Variants in ROGDI observed in about 807,000 individuals in gnomAD.
ROGDI encodes the protein protein rogdi homolog.
In ROGDI, 46 loss-of-function variants were observed where a neutral mutation model predicts 43.1. The observed-to-expected ratio is 1.07, with a 90% confidence interval of 0.84 to 1.37. The LOEUF is 1.37. ROGDI is among the 40% of genes most tolerant of loss of function. The pLI is 0.00. For missense variants in ROGDI, 518 were observed against 383.9 expected (o/e 1.35, Z -2.92); for synonymous variants, 243 against 162.0 (o/e 1.50, Z -3.80).
Position 4,797,819 on chromosome 16 carries a change from C to T in ROGDI, c.717G>A (p.Leu239=). The T allele has an allele frequency of 6.2e-7, 1 of 1,612,374 alleles. No homozygotes were observed. The highest frequency in any genetic ancestry group is 8.5e-7 in the Non-Finnish European group (1 of 1,179,952). ...GAMFEWGSQR[L]EVSHVHKVEC... ...CCACTTTGTGCACGTGGCTCACCTC[C>T]AGGCGCTGAGAGCCCCACTCGCTGT... Residue 239 remains leucine, a synonymous_variant, in exon 10 of 11, where the codon CTG becomes CTA. Coordinates refer to ENST00000322048, the MANE Select transcript of ROGDI (RefSeq NM_024589.3).
Position 4,797,381 on chromosome 16 carries a change from G to A in ROGDI, c.*79C>T, listed in dbSNP as rs947409781. 8 of 1,328,234 alleles carry A rather than the reference G, an allele frequency of 6.0e-6. No individual in the cohort carries two copies. Among genetic ancestry groups the A allele is most frequent in the Non-Finnish European group, 8.5e-6 (8 of 945,950 alleles). The allele number at this position is 1,328,234 out of a possible 1,614,324, so 82.3% of individuals were successfully genotyped here. A position where few individuals can be genotyped will look rare whatever the true frequency, so the allele number is the denominator to read the frequency against. The stretch of plus-strand genomic sequence containing the variant: ...GGGAGATAAATAGCAGCCTGGCGTT[G>A]GCACTGGCTGGTGCTCTGTGGTGGG... On this transcript the variant is annotated 3_prime_UTR_variant, in exon 11 of 11. Transcript: ENST00000322048.
chr16:4,799,894 G>C, intron 5 of ROGDI, 113 bp from the exon 6 acceptor site: 1 of 755,782 alleles, frequency 1.3e-6, no homozygotes, highest in Non-Finnish European at 2.2e-6. Flanking sequence ...TGTCATCCCT[G>C]TGCCCCAGAG....
chr16:4,800,973 G>A (rs1299120320), intron 4 of ROGDI: 61 of 508,724 alleles, frequency 1.2e-4, no homozygotes, highest in Non-Finnish European at 1.3e-4. Context: ...TTCAGGCATT[G>A]GCTGATTCAA....
At chr16:4,800,962 G>A (rs951494815) in intron 4 of ROGDI, 58 of 505,842 alleles carry the variant, frequency 1.1e-4, no homozygotes, top group African/African-American at 1.0e-3. Context: ...GCAGACTGGA[G>A]TTCAGGCATT....
At chr16:4,801,883 A>T in intron 2 of ROGDI, 2 of 575,592 alleles carry the variant, frequency 3.5e-6, no homozygotes, top group Non-Finnish European at 6.3e-6. Flanking sequence ...CAAGGGGCAG[A>T]GTCAGGGAAC....
chr16:4,797,618 T>G, intron 10 of ROGDI, 96 bp downstream of exon 10: 1 of 1,362,450 alleles, frequency 7.3e-7, no homozygotes, highest in South Asian at 1.3e-5. Context: ...CGCAGTGCTG[T>G]GGGGTACACC....
chr16:4,798,725 C>T, intron 6 of ROGDI, 58 bp from the exon 7 acceptor site: 2 of 1,386,496 alleles, frequency 1.4e-6, no homozygotes. Context: ...CATTAAGGAA[C>T]AACAGACATG....
Position 4,802,363 on chromosome 16 carries a change from G to A in ROGDI, c.117+19C>T. 1.3e-6 allele frequency: 2 copies of A among 1,558,564 alleles called. No homozygotes were observed. Among genetic ancestry groups the A allele is most frequent in the Non-Finnish European group, 1.7e-6 (2 of 1,156,164 alleles). ...AGGGAGGGCCGCCACGCCCGGCGGG[G>A]CAGGGCGCGGGTCGTTACCTTGAGG... is the stretch of plus-strand genomic sequence containing the variant. On this transcript the variant is annotated intron_variant, in intron 2 of 10. Coordinates refer to ENST00000322048, the MANE Select transcript of ROGDI (RefSeq NM_024589.3).
rs1263993102 is a variant in ROGDI at position 4,801,267 on chromosome 16, C to T, written c.255G>A (p.Ala85=). 3.7e-6 allele frequency: 6 copies of T among 1,604,358 alleles called. No individual in the cohort carries two copies. Among genetic ancestry groups the T allele is most frequent in the Non-Finnish European group, 4.3e-6 (5 of 1,173,862 alleles). Residue 85 remains alanine (A), a splice_region_variant and synonymous_variant, in exon 4 of 11, where the codon GCG becomes GCA. Transcript: ENST00000322048. ...GAGGGGACAGGGCCGGGGGACTCAC[C>T]GCCTGGCTGAGGGCATCCCCCTGCA... ...LTLQGDALSQ[A]DVNLKMPRNN...
intron 5 of ROGDI, 129 bp from the exon 6 acceptor site, chr16:4,799,910 G>C: frequency 1.5e-6 from 1 of 672,692 alleles, no homozygotes; most frequent in Non-Finnish European, 2.6e-6. Context: ...CAGAGGGCCA[G>C]GTCCACGCCA....
intron 4 of ROGDI, 114 bp downstream of exon 4, chr16:4,801,153 C>T (rs997359498): frequency 1.2e-6 from 1 of 811,622 alleles, no homozygotes; most frequent in Non-Finnish European, 1.9e-6. Flanking sequence ...AAAACTGAGG[C>T]CAGAGAGATC....
In ROGDI at chr16:4,801,317, C is replaced by A. The variant is rs780764745; in HGVS notation, c.205G>T (p.Asp69Tyr). The change falls in exon 4 of 11, where the codon GAC becomes TAC. Residue 69 changes from aspartate to tyrosine, a missense_variant. Transcript: ENST00000322048. ...AGAGTCAGCACACCCTTCACCTGGT[C>A]TGTGCTGTAACATGTGGCGTCAGAG... ...ENFILGSCGT[D>Y]QVKGVLTLQG... The A allele has an allele frequency of 1.9e-6, 3 of 1,607,984 alleles. No homozygotes were observed. In the East Asian group the frequency reaches 6.7e-5, roughly 36 times the overall value.
chr16:4,800,610 T>G (rs753613367), intron 4 of ROGDI, 32 bp from the exon 5 acceptor site: 1 of 1,514,114 alleles, frequency 6.6e-7, no homozygotes, highest in South Asian at 1.2e-5. Context: ...AGCTGGGCAG[T>G]GGGGGGGCAC....
Position 4,798,010 on chromosome 16 carries a change from C to T in ROGDI, c.646-23G>A, listed in dbSNP as rs369449412. On this transcript the variant is annotated intron_variant, in intron 8 of 10. Coordinates refer to ENST00000322048, the MANE Select transcript of ROGDI (RefSeq NM_024589.3). ...GTTCTAGGGAGAACAGCACCAGACC[C>T]GTCAGGCCTTGCAGGGCGTGTGCAT... 43 of 1,613,256 alleles carry T rather than the reference C, an allele frequency of 2.7e-5. No individual in the cohort carries two copies. The African/African-American group carries it at 4.3e-4, about 16-fold the overall frequency.
In ROGDI at chr16:4,801,279, G is replaced by C; in HGVS notation, c.243C>G (p.Ala81=). Residue 81 remains alanine, a synonymous_variant, in exon 4 of 11, where the codon GCC becomes GCG. Coordinates refer to ENST00000322048, the MANE Select transcript of ROGDI (RefSeq NM_024589.3). ...CCGGGGGACTCACCGCCTGGCTGAG[G>C]GCATCCCCCTGCAGAGTCAGCACAC... ...VKGVLTLQGD[A]LSQADVNLKM... 6.2e-7 allele frequency: 1 copy of C among 1,607,914 alleles called. No individual in the cohort carries two copies. Among genetic ancestry groups the C allele is most frequent in the Non-Finnish European group, 8.5e-7 (1 of 1,175,896 alleles).
At chr16:4,797,880 C>T (rs1356739591) in intron 9 of ROGDI, 40 bp from the exon 10 acceptor site, 17 of 1,607,360 alleles carry the variant, frequency 1.1e-5, no homozygotes, top group Admixed American at 1.7e-5. Context: ...GGTCCCGGCC[C>T]TCCAGGTGTG....
chr16:4,799,638 T>C (rs1203949388), intron 6 of ROGDI, 48 bp downstream of exon 6: 1 of 1,441,542 alleles, frequency 6.9e-7, no homozygotes, highest in Non-Finnish European at 9.7e-7. Flanking sequence ...TGATTCCGGA[T>C]CAAGAACGTG....
chr16:4,797,679 CCTT>C (rs763221402), intron 10 of ROGDI, 32 bp downstream of exon 10: 1 of 1,613,704 alleles, frequency 6.2e-7, no homozygotes, highest in East Asian at 2.2e-5. Context: ...CCTTAGAAGT[CCTT>C]CCCCTAATGA....
intron 4 of ROGDI, chr16:4,800,919 C>A: frequency 2.0e-6 from 1 of 501,376 alleles, no homozygotes; most frequent in Non-Finnish European, 3.5e-6. Context: ...GGGGGCCTCC[C>A]CCCACGCCTT....
Sources: allele counts gnomAD v4.1 joint callset, GRCh38; gene constraint gnomAD v4.1.1; transcripts MANE v1.5; gene names NCBI Gene and HGNC (gene_info 2026-07-23, HGNC 2026-07-21).